The following DSCAML1 variants were observed in gnomAD, a reference collection of about 807,000 sequenced individuals.
The protein encoded by DSCAML1 is cell adhesion molecule DSCAML1.
A neutral mutation model predicts 200.5 loss-of-function variants in DSCAML1; 38 were observed. That is an observed-to-expected ratio of 0.19 (90% CI 0.15 to 0.25). The LOEUF is 0.25. Ranked by LOEUF, DSCAML1 falls within the 10% of genes least tolerant of loss-of-function variation. The pLI is 1.00. For synonymous variants in DSCAML1, 1,215 were observed against 1,165.0 expected, an observed-to-expected ratio of 1.04 and a Z score of -0.87; for missense variants, 2,223 against 2,858.8, an observed-to-expected ratio of 0.78 and a Z score of 5.07.
chr11:117,630,492 C>T (rs2052147569), intron 3 of DSCAML1, among the ~76,000 whole-genome samples: 1 of 151,934 alleles, frequency 6.6e-6, no homozygotes, highest in African/African-American at 2.4e-5. Flanking sequence ...GAGGGAGGAC[C>T]TGGCGGGCCT....
intron 3 of DSCAML1, among the ~76,000 whole-genome samples, chr11:117,726,937 G>C (rs975537833): frequency 6.6e-6 from 1 of 152,112 alleles, no homozygotes; most frequent in Admixed American, 6.5e-5. Context: ...CAGGCAGCAC[G>C]TAGCCTACTG....
rs1347019633 is a variant in DSCAML1, at chr11:117,441,563, T to G, written c.3863-1627A>C. 2.6e-5 allele frequency among the ~76,000 whole-genome samples: 4 copies of G among 151,990 alleles called. No individual in the cohort carries two copies. In the East Asian group the frequency reaches 5.8e-4, roughly 22 times the overall value. ...GCCCAGAGTGTGGTGGGTGGGTAAA[T>G]GCATCTAGTGCCTGGGAGATCGCCA... On this transcript the variant is annotated intron_variant, in intron 21 of 32. Coordinates refer to ENST00000651296, the MANE Select transcript of DSCAML1 (RefSeq NM_020693.4).
chr11:117,792,156 C>A (rs1483375346), intron 1 of DSCAML1, among the ~76,000 whole-genome samples: 1 of 152,188 alleles, frequency 6.6e-6, no homozygotes, highest in African/African-American at 2.4e-5. Flanking sequence ...TCTGTCCATC[C>A]CCTGAGGCTC....
At chr11:117,636,374 A>T (rs1047909493) in intron 3 of DSCAML1, among the ~76,000 whole-genome samples, 3 of 152,196 alleles carry the variant, frequency 2.0e-5, no homozygotes, top group African/African-American at 7.2e-5. Context: ...ATGTATTGGG[A>T]TTAGCAAAAC....
chr11:117,717,320 C>G (rs973016430), intron 3 of DSCAML1, among the ~76,000 whole-genome samples: 18 of 152,136 alleles, frequency 1.2e-4, no homozygotes, highest in African/African-American at 4.3e-4. Context: ...CCTCGAAGGC[C>G]ACCTCCTTCA....
intron 3 of DSCAML1, among the ~76,000 whole-genome samples, chr11:117,595,126 T>A (rs777458945): frequency 6.7e-5 from 10 of 150,222 alleles, no homozygotes; most frequent in Non-Finnish European, 1.3e-4. Flanking sequence ...TCTGAAGAGA[T>A]GAGGGTGAGG....
At chr11:117,538,583 C>G (rs988169089) in intron 3 of DSCAML1, among the ~76,000 whole-genome samples, 19 of 152,228 alleles carry the variant, frequency 1.2e-4, no homozygotes, top group Non-Finnish European at 2.1e-4. Context: ...GTTAAGTGAG[C>G]TGACAGCATC....
chr11:117,654,074 G>A (rs1281838116), intron 3 of DSCAML1, among the ~76,000 whole-genome samples: 2 of 152,242 alleles, frequency 1.3e-5, no homozygotes, highest in Non-Finnish European at 2.9e-5. Flanking sequence ...ATTATGCTAA[G>A]TGAAAGAAGT....
chr11:117,439,971 C>T (rs2048009869), intron 21 of DSCAML1, 35 bp from the exon 22 acceptor site: 1 of 1,558,986 alleles, frequency 6.4e-7, no homozygotes, highest in African/African-American at 1.4e-5. Flanking sequence ...CACTCCACTT[C>T]TACCCCTGCA....
chr11:117,649,041 ATGTGTGTGTGTGTGTGTG>A (rs58257943), intron 3 of DSCAML1, among the ~76,000 whole-genome samples: 14 of 137,846 alleles, frequency 1.0e-4, no homozygotes, highest in African/African-American at 2.6e-4. Context: ...CTCCATATAT[ATGTGTGTGTGTGTGTGTG>A]TGTGTGTGTG....
At chr11:117,604,771 G>A (rs2051532078) in intron 3 of DSCAML1, among the ~76,000 whole-genome samples, 1 of 152,234 alleles carries the variant, frequency 6.6e-6, no homozygotes, top group Non-Finnish European at 1.5e-5. Context: ...AGGAGCCCGG[G>A]ATGAGGGAGC....
intron 1 of DSCAML1, among the ~76,000 whole-genome samples, chr11:117,812,305 C>T (rs906914576): frequency 6.6e-6 from 1 of 152,134 alleles, no homozygotes; most frequent in Non-Finnish European, 1.5e-5. Flanking sequence ...TGTTATCACT[C>T]GCCTGCTACA....
At chr11:117,485,463 G>C (rs2049027953) in intron 11 of DSCAML1, among the ~76,000 whole-genome samples, 1 of 152,208 alleles carries the variant, frequency 6.6e-6, no homozygotes, top group Admixed American at 6.5e-5. Context: ...GAAGAGGAGA[G>C]AAGCTTGAGG....
rs548900602 is a variant in DSCAML1 at position 117,585,499 on chromosome 11, G to A, written c.512-52977C>T. On this transcript the variant is annotated intron_variant, in intron 3 of 32. Transcript: ENST00000651296. ...CCTGACCTTGTGATCCGCCCACCTC[G>A]GCCTCCGAAGTGCTGGGATTACAGG... 1.1e-4 allele frequency among the ~76,000 whole-genome samples: 17 copies of A among 152,228 alleles called. No homozygotes were observed. In the East Asian group the frequency reaches 3.3e-3, roughly 29 times the overall value.
At position 117,449,500 on chromosome 11, in the gene DSCAML1, G is replaced by A. The variant is rs143643065; in HGVS notation, c.3708+1049C>T. Among the ~76,000 whole-genome samples, 200 of 152,242 alleles carry A rather than the reference G, an allele frequency of 1.3e-3. 1 individual carries two copies. Among genetic ancestry groups the A allele is most frequent in the African/African-American group, 4.6e-3 (192 of 41,514 alleles). ...GAAAGCAGAGAGTATAGGAGGAGAT[G>A]ATGACACAATTACTGAGCAATTTCA... On this transcript the variant is annotated intron_variant, in intron 20 of 32. Coordinates refer to ENST00000651296, the MANE Select transcript of DSCAML1 (RefSeq NM_020693.4).
At chr11:117,546,979 A>C (rs1182639357) in intron 3 of DSCAML1, among the ~76,000 whole-genome samples, 1 of 152,166 alleles carries the variant, frequency 6.6e-6, no homozygotes, top group Non-Finnish European at 1.5e-5. Flanking sequence ...TTAGACATGC[A>C]TGAGAGGGGC....
At chr11:117,549,524 T>C (rs2050433925) in intron 3 of DSCAML1, among the ~76,000 whole-genome samples, 1 of 152,232 alleles carries the variant, frequency 6.6e-6, no homozygotes, top group Admixed American at 6.5e-5. Flanking sequence ...CTCAGTTTTC[T>C]CATCTATAAA....
intron 3 of DSCAML1, among the ~76,000 whole-genome samples, chr11:117,696,977 A>C (rs776056600): frequency 3.9e-5 from 6 of 152,336 alleles, no homozygotes; most frequent in Admixed American, 3.3e-4. Context: ...TCAGGGACTA[A>C]TATGGGAGCT....
At chr11:117,711,029 T>A (rs902766061) in intron 3 of DSCAML1, among the ~76,000 whole-genome samples, 2 of 152,336 alleles carry the variant, frequency 1.3e-5, no homozygotes, top group South Asian at 4.1e-4. Flanking sequence ...GCAGTGCCAG[T>A]AACTCAGGCT....
Sources: allele counts gnomAD v4.1 joint callset (sites outside exome capture counted in the v4.1 genomes callset), GRCh38; gene constraint gnomAD v4.1.1; transcripts MANE v1.5; gene names NCBI Gene and HGNC (gene_info 2026-07-23, HGNC 2026-07-21).